The following BPIFB1 variants were observed in gnomAD, a reference collection of about 807,000 sequenced individuals.
The protein encoded by BPIFB1 is BPI fold containing family B member 1, also known as BPI fold-containing family B member 1.
BPIFB1 carries 34 observed loss-of-function variants against 55.1 expected under a neutral mutation model. The ratio of observed to expected loss-of-function variants is 0.62; its 90% CI spans 0.47 to 0.82. The LOEUF (loss-of-function observed/expected upper bound fraction) is 0.82. BPIFB1 is among the 40% of genes least tolerant of loss of function. The probability of loss-of-function intolerance (pLI) is 0.00; values close to 1 mark genes in which losing one functional copy is unlikely to be tolerated. For synonymous variants in BPIFB1, 236 were observed against 245.3 expected (o/e 0.96, Z 0.35); for missense variants, 532 against 593.1 (o/e 0.90, Z 1.07).
rs955573066 is a variant in BPIFB1 at position 33,309,867 on chromosome 20, T to C, written c.*100T>C. On this transcript the variant is annotated 3_prime_UTR_variant, in exon 16 of 16. Transcript: ENST00000253354. The surrounding 1 kb of genome is among the most constrained non-coding windows in gnomAD (Gnocchi z 4.4). ...TCTCTGCAATCAATAAACACTTGCC[T>C]GTGATGCCTGCCGTCTGGAGTCTCT... is the stretch of plus-strand genomic sequence containing the variant. 13 of 1,124,356 alleles carry C rather than the reference T, an allele frequency of 1.2e-5. No homozygotes were observed. Among genetic ancestry groups the C allele is most frequent in the Non-Finnish European group, 1.6e-5 (12 of 752,746 alleles). 69.6% of individuals were successfully genotyped at this position (1,124,356 alleles called of 1,614,324 possible).
intron 5 of BPIFB1, among the ~76,000 whole-genome samples, chr20:33,291,516 T>C (rs1409096000): frequency 1.3e-5 from 2 of 152,192 alleles, no homozygotes; most frequent in Non-Finnish European, 2.9e-5. Context: ...ACCCGTAAAG[T>C]GCAGGTAATG....
chr20:33,297,078 C>T (rs1275278267), intron 6 of BPIFB1, among the ~76,000 whole-genome samples: 3 of 152,232 alleles, frequency 2.0e-5, no homozygotes, highest in African/African-American at 4.8e-5. Context: ...AGTGCACCAC[C>T]ATGCCTGGCT....
chr20:33,309,843 C>T lies in BPIFB1; in HGVS notation c.*76C>T. 1 of 1,331,182 alleles carries T rather than the reference C, an allele frequency of 7.5e-7. No homozygotes were observed. Among genetic ancestry groups the T allele is most frequent in the East Asian group, 2.3e-5 (1 of 43,196 alleles). 82.5% of individuals were successfully genotyped at this position (1,331,182 alleles called of 1,614,324 possible). ...GGTGTGAGCTCTATAGACCATCCCT[C>T]TCTGCAATCAATAAACACTTGCCTG... On this transcript the variant is annotated 3_prime_UTR_variant, in exon 16 of 16. Coordinates refer to ENST00000253354, the MANE Select transcript of BPIFB1 (RefSeq NM_033197.3). This position sits in a 1 kb window ranked among gnomAD's most constrained non-coding sequence, Gnocchi z 4.4.
chr20:33,309,766 G>C lies in BPIFB1; in HGVS notation c.1454G>C (p.Ter485SerextTer19), dbSNP rs771933690. ...AAACCCAGCTCTCCTGTCTCCCAGT[G>C]AAGACTTGGATGGCAGCCATCAGGG... is the stretch of plus-strand genomic sequence containing the variant. Reference protein sequence around the residue: ...LWKPSSPVSQ* With the variant: ...LWKPSSPVSQS Residue 485 changes from the stop codon to serine, a stop_lost, in exon 16 of 16, where the codon TGA (stop) becomes TCA (serine). Transcript: ENST00000253354. The surrounding 1 kb of genome is among the most constrained non-coding windows in gnomAD (Gnocchi z 4.4). 6.2e-7 allele frequency: 1 copy of C among 1,613,910 alleles called. No individual in the cohort carries two copies. The highest frequency in any genetic ancestry group is 8.5e-7 in the Non-Finnish European group (1 of 1,179,764).
chr20:33,283,470 T>C (rs75454899), intron 1 of BPIFB1, among the ~76,000 whole-genome samples: 4,118 of 152,228 alleles, frequency 0.027, 180 homozygotes, highest in African/African-American at 0.093. Flanking sequence ...TGGGGCTGGC[T>C]GAGTGTTTTC....
intron 6 of BPIFB1, 148 bp from the exon 7 acceptor site, chr20:33,297,377 G>C: frequency 1.3e-6 from 1 of 795,038 alleles, no homozygotes; most frequent in South Asian, 1.7e-5. Flanking sequence ...TTCAACACAC[G>C]AATGAATCCT....
intron 5 of BPIFB1, 112 bp from the exon 6 acceptor site, chr20:33,291,795 C>T: frequency 1.1e-6 from 1 of 940,696 alleles, no homozygotes; most frequent in Non-Finnish European, 1.7e-6. Context: ...CGTCCTGTGA[C>T]CTTGGGCAGG....
Position 33,306,926 on chromosome 20 carries a change from G to T in BPIFB1, c.1334G>T (p.Gly445Val). 1 of 1,614,070 alleles carries T rather than the reference G, an allele frequency of 6.2e-7. No homozygotes were observed. Among genetic ancestry groups the T allele is most frequent in the South Asian group, 1.1e-5 (1 of 91,088 alleles). ...LPNQNGKLRSGVPVSLVKALG... is the reference protein window; with the variant it reads ...LPNQNGKLRSVVPVSLVKALG... ...GTTATTTCAGGCAAATTAAGATCTGGGGTCCCAGTGTCATTGGTGAAGGCC... is the reference window on the plus strand; with the variant it reads ...GTTATTTCAGGCAAATTAAGATCTGTGGTCCCAGTGTCATTGGTGAAGGCC... The change falls in exon 15 of 16, where the codon GGG (glycine) becomes GTG (valine). Residue 445 changes from glycine (G) to valine (V), a missense_variant. Physicochemically the swap from Gly to Val is moderately radical, Grantham distance 109. Coordinates refer to ENST00000253354, the MANE Select transcript of BPIFB1 (RefSeq NM_033197.3).
In BPIFB1 at chr20:33,299,832, G is replaced by A. The variant is rs1188191148; in HGVS notation, c.662-67G>A. On this transcript the variant is annotated intron_variant, in intron 7 of 15. Coordinates refer to ENST00000253354, the MANE Select transcript of BPIFB1 (RefSeq NM_033197.3). ...AACAGTACAGCTCCACCTGGAAGCAGCCCCCCAACTTCCCCCTCCAATACT... is the reference window on the plus strand; with the variant it reads ...AACAGTACAGCTCCACCTGGAAGCAACCCCCCAACTTCCCCCTCCAATACT... 9 of 1,373,624 alleles carry A rather than the reference G, an allele frequency of 6.6e-6. No homozygotes were observed. In the African/African-American group the frequency reaches 1.3e-4, roughly 20 times the overall value. 85.1% of individuals were successfully genotyped at this position (1,373,624 alleles called of 1,614,324 possible).
intron 7 of BPIFB1, chr20:33,299,193 G>A (rs780511769): frequency 8.8e-6 from 4 of 456,454 alleles, no homozygotes; most frequent in Non-Finnish European, 1.8e-5. Flanking sequence ...CTCCTCCGCT[G>A]CCCCGAGGAC....
Position 33,285,388 on chromosome 20 carries a change from C to T in BPIFB1, c.-41-645C>T, listed in dbSNP as rs552622127. 6.0e-5 allele frequency among the ~76,000 whole-genome samples: 9 copies of T among 149,746 alleles called. No individual in the cohort carries two copies. In the East Asian group the frequency reaches 1.2e-3, roughly 19 times the overall value. On this transcript the variant is annotated intron_variant, in intron 1 of 15. Coordinates refer to ENST00000253354, the MANE Select transcript of BPIFB1 (RefSeq NM_033197.3). ...ACACGGGAAGCAGAAGTTCTTTGTTCTGAGCATTGTTGCTGGATTTTCTGT... is the reference window on the plus strand; with the variant it reads ...ACACGGGAAGCAGAAGTTCTTTGTTTTGAGCATTGTTGCTGGATTTTCTGT...
At position 33,289,932 on chromosome 20, in the gene BPIFB1, C is replaced by T. The variant is rs770775583; in HGVS notation, c.305C>T (p.Ser102Leu). Residue 102 changes from serine (S) to leucine (L), a missense_variant, in exon 4 of 16, where the codon TCG (serine) becomes TTG (leucine). Physicochemically the swap from Ser to Leu is moderately radical, Grantham distance 145 (BLOSUM62 -2). Transcript: ENST00000253354. The stretch of plus-strand genomic sequence containing the variant: ...ATCCTCCAGCTGCAGGTGAAGCCCT[C>T]GGCCAATGACCAGGAGCTGCTAGTC... ...ANILQLQVKP[S>L]ANDQELLVKI... is the part of the protein sequence containing the mutation. The T allele has an allele frequency of 4.6e-5, 75 of 1,614,040 alleles. No homozygotes were observed. Among genetic ancestry groups the T allele is most frequent in the Non-Finnish European group, 5.6e-5 (66 of 1,180,042 alleles).
At chr20:33,308,501 C>T (rs530387960) in intron 15 of BPIFB1, among the ~76,000 whole-genome samples, 1 of 149,722 alleles carries the variant, frequency 6.7e-6, no homozygotes, top group East Asian at 2.0e-4. Context: ...CATACACACG[C>T]ACATACAAAC....
chr20:33,300,086 G>C, intron 8 of BPIFB1, 102 bp downstream of exon 8: 2 of 1,014,578 alleles, frequency 2.0e-6, no homozygotes, highest in South Asian at 1.3e-5. Flanking sequence ...AGAAAATCCT[G>C]GTCACCATTA....
chr20:33,307,051 G>A, intron 15 of BPIFB1, 64 bp downstream of exon 15: 1 of 1,477,254 alleles, frequency 6.8e-7, no homozygotes, highest in South Asian at 1.1e-5. Flanking sequence ...AGCCCTGGCT[G>A]GGAGGTGGGG....
chr20:33,289,218 T>C (rs1980369667), intron 3 of BPIFB1, among the ~76,000 whole-genome samples: 1 of 151,766 alleles, frequency 6.6e-6, no homozygotes, highest in Non-Finnish European at 1.5e-5. Context: ...CCATCTCTAC[T>C]AAAAATATAA....
In BPIFB1 at chr20:33,303,022, T is replaced by C. The variant is rs1460128406; in HGVS notation, c.1088T>C (p.Leu363Pro). The part of the protein sequence containing the change: ...GHAKVAQLIV[L>P]EVFPSSEALR... The stretch of plus-strand genomic sequence containing the variant: ...GCCAAGGTGGCCCAACTGATCGTGC[T>C]GGAAGTGTTTCCCTCCAGTGAAGCC... Residue 363 changes from leucine to proline, a missense_variant, in exon 11 of 16, where the codon CTG becomes CCG. Physicochemically the swap from Leu to Pro is moderately conservative, Grantham distance 98 (BLOSUM62 -3). Transcript: ENST00000253354. 1 of 1,614,198 alleles carries C rather than the reference T, an allele frequency of 6.2e-7. No homozygotes were observed. Among genetic ancestry groups the C allele is most frequent in the Non-Finnish European group, 8.5e-7 (1 of 1,180,040 alleles).
intron 2 of BPIFB1, 64 bp from the exon 3 acceptor site, chr20:33,288,677 G>C: frequency 6.3e-7 from 1 of 1,576,502 alleles, no homozygotes; most frequent in Non-Finnish European, 8.6e-7. Context: ...CCAGCCTGGA[G>C]CTCCCACCAA....
Position 33,286,103 on chromosome 20 carries a change from C to T in BPIFB1, c.30C>T (p.Leu10=). The T allele has an allele frequency of 6.2e-7, 1 of 1,614,244 alleles. No homozygotes were observed. Among genetic ancestry groups the T allele is most frequent in the Non-Finnish European group, 8.5e-7 (1 of 1,180,042 alleles). Residue 10 remains leucine (L), a synonymous_variant, in exon 2 of 16, where the codon CTC becomes CTT. Coordinates refer to ENST00000253354, the MANE Select transcript of BPIFB1 (RefSeq NM_033197.3). MAGPWTFTL[L]CGLLAATLIQ... ...CCGGCCCGTGGACCTTCACCCTTCTCTGTGGTTTGCTGGCAGCCACCTTGA... is the reference window on the plus strand; with the variant it reads ...CCGGCCCGTGGACCTTCACCCTTCTTTGTGGTTTGCTGGCAGCCACCTTGA...
Sources: allele counts gnomAD v4.1 joint callset (sites outside exome capture counted in the v4.1 genomes callset), GRCh38; gene constraint gnomAD v4.1.1; non-coding constraint Gnocchi (gnomAD v3.1); transcripts MANE v1.5; gene names NCBI Gene and HGNC (gene_info 2026-07-23, HGNC 2026-07-21).